The following KIAA0513 variants were observed in gnomAD, a reference collection of about 807,000 sequenced individuals.
The protein encoded by KIAA0513 is uncharacterized protein KIAA0513.
A neutral mutation model predicts 56.5 loss-of-function variants in KIAA0513; 39 were observed. The ratio of observed to expected loss-of-function variants is 0.69; its 90% CI spans 0.53 to 0.90. The LOEUF is 0.90. Among genes scored for constraint, KIAA0513 ranks in the 40% least tolerant of loss-of-function variants. The probability of loss-of-function intolerance (pLI) is 0.00; values close to 1 mark genes in which losing one functional copy is unlikely to be tolerated. For synonymous variants in KIAA0513, 268 were observed against 215.6 expected (o/e 1.24, Z -2.13); for missense variants, 591 against 535.2 (o/e 1.10, Z -1.03).
intron 1 of KIAA0513, among the ~76,000 whole-genome samples, chr16:85,046,929 A>AT (rs1409816598): frequency 1.3e-5 from 2 of 152,188 alleles, no homozygotes; most frequent in African/African-American, 4.8e-5. Flanking sequence ...CTGTTAGCTC[A>AT]GATAAGATGT....
In KIAA0513 at chr16:85,091,319, G is replaced by A. The variant is rs2073865023; in HGVS notation, c.*2994G>A. 1 of 152,188 alleles carries A rather than the reference G, an allele frequency of 6.6e-6. No individual in the cohort carries two copies. Among genetic ancestry groups the A allele is most frequent in the African/African-American group, 2.4e-5 (1 of 41,440 alleles). The allele number at this position is 152,188 out of a possible 1,614,324, so 9.4% of individuals were successfully genotyped here. On this transcript the variant is annotated 3_prime_UTR_variant, in exon 13 of 13. Transcript: ENST00000683363. Reference sequence around the variant, plus strand: ...GTTTTAGCAACATTGATGTCTAAGAGGGGCCGTGGTAATAGATTGCATCTG... The same window carrying A: ...GTTTTAGCAACATTGATGTCTAAGAAGGGCCGTGGTAATAGATTGCATCTG...
chr16:85,061,696 G>A (rs536820025), intron 1 of KIAA0513, among the ~76,000 whole-genome samples: 17 of 152,334 alleles, frequency 1.1e-4, no homozygotes, highest in African/African-American at 3.1e-4. Context: ...TGGTTGTTCC[G>A]GGATGCTGGG....
rs544230526 is a variant in KIAA0513 at position 85,040,077 on chromosome 16, G to A, written c.-173+12219G>A. On this transcript the variant is annotated intron_variant, in intron 1 of 12. Transcript: ENST00000683363. Reference sequence around the variant, plus strand: ...TCGAACTCCTGACCTCAGGTGATCCGCCCGCCTCAGCCTCCCAAAGTGCTG... The same window carrying A: ...TCGAACTCCTGACCTCAGGTGATCCACCCGCCTCAGCCTCCCAAAGTGCTG... Among the ~76,000 whole-genome samples the A allele has an allele frequency of 4.6e-3, 691 of 151,712 alleles. 8 individuals are homozygous for A. Among genetic ancestry groups the A allele is most frequent in the South Asian group, 0.023 (109 of 4,798 alleles).
chr16:85,086,546 A>C (rs1389449836), intron 10 of KIAA0513, 98 bp from the exon 11 acceptor site: 3 of 1,164,278 alleles, frequency 2.6e-6, no homozygotes, highest in South Asian at 1.3e-5. Context: ...GGGGCCGTAC[A>C]TGGGTGCCGC....
intron 1 of KIAA0513, among the ~76,000 whole-genome samples, chr16:85,046,269 C>T (rs2073170072): frequency 6.6e-6 from 1 of 152,210 alleles, no homozygotes; most frequent in African/African-American, 2.4e-5. Flanking sequence ...CAGTTTCTTA[C>T]CCTGTACAGT....
At position 85,088,384 on chromosome 16, in the gene KIAA0513, G is replaced by A; in HGVS notation, c.*59G>A. On this transcript the variant is annotated 3_prime_UTR_variant, in exon 13 of 13. Coordinates refer to ENST00000683363, the MANE Select transcript of KIAA0513 (RefSeq NM_001388359.1). ...GCCATGTGCCATTCTCCCGGGCCCA[G>A]CGCCCGGCCGTCACCCCACCCGATG... is the stretch of plus-strand genomic sequence containing the variant. 1 of 1,493,822 alleles carries A rather than the reference G, an allele frequency of 6.7e-7. No homozygotes were observed. Among genetic ancestry groups the A allele is most frequent in the Non-Finnish European group, 9.2e-7 (1 of 1,084,006 alleles). The allele number at this position is 1,493,822 out of a possible 1,614,324, so 92.5% of individuals were successfully genotyped here.
chr16:85,071,695 G>A lies in KIAA0513; in HGVS notation c.330-88G>A, dbSNP rs1352403280. On this transcript the variant is annotated intron_variant, in intron 2 of 12. Transcript: ENST00000683363. ...TGCTTGGCTGGGGAATATTTCGTTA[G>A]TTCCTTCTCCTTGCTCTTCCCCTGT... The A allele has an allele frequency of 5.4e-6, 6 of 1,101,046 alleles. No homozygotes were observed. The South Asian group carries it at 7.6e-5, about 14-fold the overall frequency. The allele number at this position is 1,101,046 out of a possible 1,614,324, so 68.2% of individuals were successfully genotyped here.
At chr16:85,069,272 G>A (rs1207131550) in intron 2 of KIAA0513, among the ~76,000 whole-genome samples, 3 of 151,192 alleles carry the variant, frequency 2.0e-5, no homozygotes, top group Non-Finnish European at 2.9e-5. Flanking sequence ...GTGCAGTGGT[G>A]CAGTCATAGC....
chr16:85,089,153 G>C lies in KIAA0513; in HGVS notation c.*828G>C, dbSNP rs1274485485. On this transcript the variant is annotated 3_prime_UTR_variant, in exon 13 of 13. Coordinates refer to ENST00000683363, the MANE Select transcript of KIAA0513 (RefSeq NM_001388359.1). This position sits in a 1 kb window ranked among gnomAD's most constrained non-coding sequence, Gnocchi z 4.2. ...CATGGTCACGAAGCAGCGTTGTGCT[G>C]TGTGTCCCTCGCAAGAAGCACAGGA... The C allele has an allele frequency of 6.6e-6, 1 of 152,252 alleles. No individual in the cohort carries two copies. Among genetic ancestry groups the C allele is most frequent in the Non-Finnish European group, 1.5e-5 (1 of 68,068 alleles). 9.4% of individuals were successfully genotyped at this position (152,252 alleles called of 1,614,324 possible). A position where few individuals can be genotyped will look rare whatever the true frequency, so the allele number is the denominator to read the frequency against.
intron 12 of KIAA0513, among the ~76,000 whole-genome samples, chr16:85,087,853 A>G (rs1883376216): frequency 6.6e-6 from 1 of 152,186 alleles, no homozygotes; most frequent in Non-Finnish European, 1.5e-5. Flanking sequence ...CTGCTGGACG[A>G]CCTCAGAATG....
chr16:85,078,304 A>G, intron 6 of KIAA0513, 111 bp from the exon 7 acceptor site: 1 of 1,121,646 alleles, frequency 8.9e-7, no homozygotes, highest in East Asian at 2.5e-5. Flanking sequence ...TTTTCAGAGC[A>G]AGCCGTATTA....
rs1178279345 is a variant in KIAA0513 at position 85,089,171 on chromosome 16, G to A, written c.*846G>A. 6.6e-6 allele frequency: 1 copy of A among 152,248 alleles called. No homozygotes were observed. The highest frequency in any genetic ancestry group is 1.5e-5 in the Non-Finnish European group (1 of 68,060). The allele number at this position is 152,248 out of a possible 1,614,324, so 9.4% of individuals were successfully genotyped here. ...TTGTGCTGTGTGTCCCTCGCAAGAA[G>A]CACAGGAAAGAGAAGTTTCTTTAGT... On this transcript the variant is annotated 3_prime_UTR_variant, in exon 13 of 13. Coordinates refer to ENST00000683363, the MANE Select transcript of KIAA0513 (RefSeq NM_001388359.1). The surrounding 1 kb of genome is among the most constrained non-coding windows in gnomAD (Gnocchi z 4.2).
At chr16:85,034,441 G>C (rs1422043787) in intron 1 of KIAA0513, among the ~76,000 whole-genome samples, 1 of 152,174 alleles carries the variant, frequency 6.6e-6, no homozygotes, top group Non-Finnish European at 1.5e-5. Context: ...AGTTTATCTG[G>C]GGAAGGAAGG....
At chr16:85,077,967 G>T in intron 6 of KIAA0513, among the ~76,000 whole-genome samples, 2 of 152,324 alleles carry the variant, frequency 1.3e-5, no homozygotes, top group South Asian at 4.1e-4. Context: ...TGTGGAACAC[G>T]GTCTTGAGTC....
Position 85,088,500 on chromosome 16 carries a change from G to C in KIAA0513, c.*175G>C. Reference sequence around the variant, plus strand: ...CCGCTGTTCCTCCCTCATCTCCTCTGCCTGTGTCTGCGACCCCCATCCATG... The same window carrying C: ...CCGCTGTTCCTCCCTCATCTCCTCTCCCTGTGTCTGCGACCCCCATCCATG... On this transcript the variant is annotated 3_prime_UTR_variant, in exon 13 of 13. Coordinates refer to ENST00000683363, the MANE Select transcript of KIAA0513 (RefSeq NM_001388359.1). 1.7e-6 allele frequency: 1 copy of C among 600,824 alleles called. No individual in the cohort carries two copies. The highest frequency in any genetic ancestry group is 2.8e-5 in the East Asian group (1 of 35,778). The allele number at this position is 600,824 out of a possible 1,614,324, so 37.2% of individuals were successfully genotyped here.
In KIAA0513 at chr16:85,086,679, A is replaced by T; in HGVS notation, c.1046A>T (p.Asp349Val). Reference sequence around the variant, plus strand: ...TGCCACATGACCCAGGAGGAGCGCGACGACAGCCTCCGGTTCAACGAGAAC... The same window carrying T: ...TGCCACATGACCCAGGAGGAGCGCGTCGACAGCCTCCGGTTCAACGAGAAC... ...KWCHMTQEER[D>V]DSLRFNENIT... Residue 349 changes from aspartate (D) to valine (V), a missense_variant, in exon 11 of 13, where the codon GAC (aspartate) becomes GTC (valine). Transcript: ENST00000683363. 3 of 1,613,882 alleles carry T rather than the reference A, an allele frequency of 1.9e-6. No homozygotes were observed. The highest frequency in any genetic ancestry group is 2.5e-6 in the Non-Finnish European group (3 of 1,180,012).
At chr16:85,086,765 G>C in intron 11 of KIAA0513, 41 bp downstream of exon 11, 2 of 1,545,372 alleles carry the variant, frequency 1.3e-6, no homozygotes, top group South Asian at 2.3e-5. Flanking sequence ...AGAGGGGGGA[G>C]GGCCCACCCT....
In KIAA0513 at chr16:85,081,242, C is replaced by T. The variant is rs1359692123; in HGVS notation, c.903-73C>T. ...ATGTGAGACACTGCCCTTGTTTATC[C>T]CTCAAGGGGCCCACAACCCGTGTCC... is the stretch of plus-strand genomic sequence containing the variant. On this transcript the variant is annotated intron_variant, in intron 8 of 12. Transcript: ENST00000683363. The surrounding 1 kb of genome is among the most constrained non-coding windows in gnomAD (Gnocchi z 4.4). 30 of 1,345,586 alleles carry T rather than the reference C, an allele frequency of 2.2e-5. No individual in the cohort carries two copies. The highest frequency in any genetic ancestry group is 8.6e-5 in the African/African-American group (6 of 69,478). The allele number at this position is 1,345,586 out of a possible 1,614,324, so 83.4% of individuals were successfully genotyped here.
At chr16:85,051,663 T>C (rs2073253867) in intron 1 of KIAA0513, among the ~76,000 whole-genome samples, 1 of 152,188 alleles carries the variant, frequency 6.6e-6, no homozygotes, top group Non-Finnish European at 1.5e-5. Flanking sequence ...ACCACCATCT[T>C]GTCTCCCATG....
Sources: gnomAD v4.1 joint callset for allele counts (sites outside exome capture counted in the v4.1 genomes callset) on GRCh38, gnomAD v4.1.1 for gene constraint, Gnocchi (gnomAD v3.1) non-coding constraint, MANE v1.5 for transcripts, NCBI Gene and HGNC (gene_info 2026-07-23, HGNC 2026-07-21) for gene names.